The following MAST4 variants were observed in gnomAD, a reference collection of about 807,000 sequenced individuals.
The protein encoded by MAST4 is microtubule associated serine/threonine kinase family member 4.
Under a neutral mutation model 162.7 loss-of-function variants are expected in MAST4, and 89 were observed. The ratio of observed to expected loss-of-function variants is 0.55; its 90% CI spans 0.46 to 0.65. The LOEUF is 0.65. Among genes scored for constraint, MAST4 ranks in the 30% least tolerant of loss-of-function variants. The pLI, the probability that MAST4 is intolerant of heterozygous loss-of-function variation, is 0.00. For missense variants in MAST4, 3,153 were observed against 3,374.0 expected (o/e 0.93, Z 1.62); for synonymous variants, 1,479 against 1,361.1 (o/e 1.09, Z -1.91).
chr5:66,663,893 C>G (rs1344308221), intron 1 of MAST4, among the ~76,000 whole-genome samples: 1 of 152,116 alleles, frequency 6.6e-6, no homozygotes. Flanking sequence ...AAGGAGGAGA[C>G]CAGCTAGAAT....
chr5:66,822,899 G>T (rs1293912444), intron 3 of MAST4, among the ~76,000 whole-genome samples: 1 of 152,138 alleles, frequency 6.6e-6, no homozygotes, highest in Non-Finnish European at 1.5e-5. Context: ...CCTGACCAAG[G>T]TTGGTATCTT....
intron 3 of MAST4, among the ~76,000 whole-genome samples, chr5:66,864,653 G>A (rs1039805838): frequency 6.0e-5 from 8 of 132,564 alleles, no homozygotes; most frequent in African/African-American, 7.9e-5. Flanking sequence ...GTCCCCCCCC[G>A]AAAATACATG....
intron 6 of MAST4, among the ~76,000 whole-genome samples, chr5:67,090,923 T>G (rs559516267): frequency 6.6e-6 from 1 of 152,142 alleles, no homozygotes; most frequent in East Asian, 1.9e-4. Flanking sequence ...CCTGGGCTCC[T>G]TCATCCCTCT....
chr5:66,859,418 A>G (rs1436456048), intron 3 of MAST4, among the ~76,000 whole-genome samples: 1 of 152,146 alleles, frequency 6.6e-6, no homozygotes, highest in African/African-American at 2.4e-5. Context: ...AATTTAAGAC[A>G]CAGGTCAGTG....
chr5:67,094,259 G>A, intron 6 of MAST4: 1 of 790,686 alleles, frequency 1.3e-6, no homozygotes, highest in Non-Finnish European at 2.0e-6. Flanking sequence ...TGCATTTATT[G>A]GAGGTTACAC....
intron 4 of MAST4, among the ~76,000 whole-genome samples, chr5:66,905,313 A>C (rs1763281142): frequency 9.6e-6 from 1 of 103,948 alleles, no homozygotes. Flanking sequence ...AAAAAAAAAA[A>C]AAAAAAAAAA....
chr5:66,932,240 T>C (rs925753294), intron 4 of MAST4, among the ~76,000 whole-genome samples: 22 of 152,212 alleles, frequency 1.4e-4, no homozygotes, highest in African/African-American at 4.8e-4. Flanking sequence ...GGCCTTTTCA[T>C]TGGGAATTCC....
chr5:66,934,547 A>T (rs1481114662), intron 4 of MAST4, among the ~76,000 whole-genome samples: 1 of 151,938 alleles, frequency 6.6e-6, no homozygotes, highest in Non-Finnish European at 1.5e-5. Flanking sequence ...CAAAATTTTT[A>T]AAAATGTATT....
intron 4 of MAST4, among the ~76,000 whole-genome samples, chr5:66,972,729 C>A (rs1331658363): frequency 3.3e-5 from 5 of 152,196 alleles, no homozygotes; most frequent in African/African-American, 1.2e-4. Flanking sequence ...CTCCTATGAT[C>A]AGTCTCCATC....
chr5:67,110,327 G>A (rs1352759798), intron 11 of MAST4, 128 bp downstream of exon 11: 2 of 669,460 alleles, frequency 3.0e-6, no homozygotes, highest in African/African-American at 3.6e-5. Context: ...ATTACAACTT[G>A]TGAACGTTTA....
Position 67,167,111 on chromosome 5 carries a change from A to G in MAST4, c.*60A>G. The G allele has an allele frequency of 7.0e-7, 1 of 1,419,818 alleles. No homozygotes were observed. The highest frequency in any genetic ancestry group is 9.4e-7 in the Non-Finnish European group (1 of 1,064,088). The allele number at this position is 1,419,818 out of a possible 1,614,324, so 88.0% of individuals were successfully genotyped here. ...GTCCTGAACGGGCGACTGTGTCTTG[A>G]CTACCTTTCAAAACCAGCACTGTGT... On this transcript the variant is annotated 3_prime_UTR_variant, in exon 29 of 29. Transcript: ENST00000403625.
intron 2 of MAST4, among the ~76,000 whole-genome samples, chr5:66,783,754 A>T (rs561287134): frequency 2.2e-4 from 34 of 152,240 alleles, no homozygotes; most frequent in African/African-American, 8.2e-4. Context: ...GCTTGTTCTC[A>T]GTGGTCTCTG....
rs768014684 is a variant in MAST4 at position 67,095,566 on chromosome 5, T to A, written c.834-31T>A. The stretch of plus-strand genomic sequence containing the variant: ...GTTCCCATGTGACAGTACGCCAGTG[T>A]TGGCCTAAGCTAAACTCACTTTCTC... On this transcript the variant is annotated intron_variant, in intron 6 of 28. Coordinates refer to ENST00000403625, the MANE Select transcript of MAST4 (RefSeq NM_001164664.2). 3.2e-6 allele frequency: 5 copies of A among 1,567,976 alleles called. No homozygotes were observed. In the Admixed American group the frequency reaches 7.3e-5, roughly 23 times the overall value.
chr5:66,880,013 A>G (rs1561408630), intron 3 of MAST4, among the ~76,000 whole-genome samples: 1 of 152,240 alleles, frequency 6.6e-6, no homozygotes, highest in Non-Finnish European at 1.5e-5. Flanking sequence ...TTTTAATAGC[A>G]AAAGATTGGA....
intron 4 of MAST4, among the ~76,000 whole-genome samples, chr5:67,007,432 A>G (rs886915892): frequency 6.6e-6 from 1 of 152,226 alleles, no homozygotes; most frequent in African/African-American, 2.4e-5. Flanking sequence ...CCCTTGAGAT[A>G]TCTCTCATTC....
intron 4 of MAST4, among the ~76,000 whole-genome samples, chr5:66,960,386 G>A (rs1054323441): frequency 6.6e-6 from 1 of 152,198 alleles, no homozygotes; most frequent in African/African-American, 2.4e-5. Flanking sequence ...CAAAAAGTTA[G>A]AGGGCTCTCA....
intron 4 of MAST4, among the ~76,000 whole-genome samples, chr5:66,929,396 A>G (rs917644761): frequency 7.2e-5 from 11 of 152,072 alleles, no homozygotes; most frequent in African/African-American, 2.4e-4. Flanking sequence ...ATTGAGAGAA[A>G]ATCTTCTTCA....
At chr5:66,714,330 T>G (rs548809535) in intron 1 of MAST4, among the ~76,000 whole-genome samples, 2 of 152,238 alleles carry the variant, frequency 1.3e-5, no homozygotes, top group Non-Finnish European at 2.9e-5. Flanking sequence ...TGCCTGTGCC[T>G]GTATCATCGA....
At chr5:66,671,175 A>G (rs554135377) in intron 1 of MAST4, among the ~76,000 whole-genome samples, 47 of 152,264 alleles carry the variant, frequency 3.1e-4, no homozygotes, top group African/African-American at 1.1e-3. Context: ...ATTTAGGTAA[A>G]ACCCAACTGA....
Sources: gnomAD v4.1 joint callset for allele counts (sites outside exome capture counted in the v4.1 genomes callset) on GRCh38, gnomAD v4.1.1 for gene constraint, MANE v1.5 for transcripts, NCBI Gene and HGNC (gene_info 2026-07-23, HGNC 2026-07-21) for gene names.